Variants in INPP5B observed in about 807,000 individuals in gnomAD.
The protein encoded by INPP5B is inositol polyphosphate-5-phosphatase B.
Under a neutral mutation model 118.5 loss-of-function variants are expected in INPP5B, and 90 were observed. The observed-to-expected ratio is 0.76, with a 90% CI of 0.64 to 0.90. INPP5B has a LOEUF of 0.90. Ranked by LOEUF, INPP5B falls within the 40% of genes least tolerant of loss-of-function variation. The pLI, the probability that INPP5B is intolerant of heterozygous loss-of-function variation, is 0.00. For synonymous variants in INPP5B, 385 were observed against 418.9 expected (o/e 0.92, Z 0.99); for missense variants, 984 against 1,125.6 (o/e 0.87, Z 1.80).
rs1402823814 is a variant in INPP5B at position 37,931,771 on chromosome 1, C to T, written c.532+142G>A. On this transcript the variant is annotated intron_variant, in intron 7 of 23. Transcript: ENST00000373024. ...CCGCCCGTCCCGCGCGCTCCGCCCC[C>T]AGACGAACCCGCCCCCGTGTGCCCG... 8.1e-6 allele frequency: 13 copies of T among 1,604,760 alleles called. 1 individual carries two copies. The highest frequency in any genetic ancestry group is 2.7e-5 in the African/African-American group (2 of 74,902).
At position 37,931,318 on chromosome 1, in the gene INPP5B, C is replaced by T; in HGVS notation, c.532+595G>A. ...GGGCACCACTCCCCCACCCGCCCCA[C>T]GCGACAAACTCGGAAGATCAGGATT... On this transcript the variant is annotated intron_variant, in intron 7 of 23. Coordinates refer to ENST00000373024, the MANE Select transcript of INPP5B (RefSeq NM_005540.3). 4.8e-6 allele frequency: 4 copies of T among 826,264 alleles called. No individual in the cohort carries two copies. The South Asian group carries it at 7.0e-5, about 15-fold the overall frequency. The allele number at this position is 826,264 out of a possible 1,614,324, so 51.2% of individuals were successfully genotyped here.
chr1:37,927,643 T>A (rs904166268), intron 7 of INPP5B, among the ~76,000 whole-genome samples: 14 of 151,646 alleles, frequency 9.2e-5, no homozygotes, highest in African/African-American at 3.4e-4. Flanking sequence ...TTCACGCCAT[T>A]CTCCTGCCTC....
chr1:37,883,255 C>G (rs532887958), intron 13 of INPP5B: 1 of 985,338 alleles, frequency 1.0e-6, no homozygotes, highest in African/African-American at 1.7e-5. Flanking sequence ...TTGAGAGTCA[C>G]GCCAATCACC....
intron 7 of INPP5B, among the ~76,000 whole-genome samples, chr1:37,895,292 C>T (rs1643986226): frequency 6.6e-6 from 1 of 152,166 alleles, no homozygotes; most frequent in Non-Finnish European, 1.5e-5. Flanking sequence ...GTTAAACAGT[C>T]TTACCATATG....
At chr1:37,922,150 T>A (rs1396604266) in intron 7 of INPP5B, among the ~76,000 whole-genome samples, 1 of 151,700 alleles carries the variant, frequency 6.6e-6, no homozygotes, top group East Asian at 1.9e-4. Flanking sequence ...TGCAGTGAGT[T>A]GAGATCATGC....
At chr1:37,902,227 T>C (rs530442775) in intron 7 of INPP5B, among the ~76,000 whole-genome samples, 1 of 152,218 alleles carries the variant, frequency 6.6e-6, no homozygotes, top group Admixed American at 6.5e-5. Flanking sequence ...CCACAAGTGA[T>C]CCACCCACCT....
At position 37,873,016 on chromosome 1, in the gene INPP5B, G is replaced by C. The variant is rs781659764; in HGVS notation, c.2101C>G (p.Pro701Ala). The C allele has an allele frequency of 3.1e-6, 5 of 1,614,032 alleles. No individual in the cohort carries two copies. Among genetic ancestry groups the C allele is most frequent in the Non-Finnish European group, 4.2e-6 (5 of 1,180,028 alleles). Residue 701 changes from proline (P) to alanine (A), a missense_variant, in exon 19 of 24, where the codon CCC (proline) becomes GCC (alanine). Physicochemically the swap from Pro to Ala is conservative, Grantham distance 27. Around this residue, in one of 2 missense-constraint regions of INPP5B, gnomAD observed 634 missense variants for 791.0 expected, o/e 0.80. Coordinates refer to ENST00000373024, the MANE Select transcript of INPP5B (RefSeq NM_005540.3). The stretch of plus-strand genomic sequence containing the variant: ...TGAATGGGAGACCCAAAACAGCTGG[G>C]CAGGTAGTTCCCAGACACAGACAAA... ...YFLSVSGNYLPSCFGSPIHTL... is the reference protein window; with the variant it reads ...YFLSVSGNYLASCFGSPIHTL...
At chr1:37,943,154 C>T (rs933162711) in intron 5 of INPP5B, among the ~76,000 whole-genome samples, 11 of 152,088 alleles carry the variant, frequency 7.2e-5, no homozygotes, top group Middle Eastern at 3.4e-3. Context: ...GCATGCACCA[C>T]CATGCCTGGC....
chr1:37,879,547 C>T (rs1643066336), intron 15 of INPP5B, among the ~76,000 whole-genome samples: 1 of 151,934 alleles, frequency 6.6e-6, no homozygotes, highest in Non-Finnish European at 1.5e-5. Context: ...GCAGGCGGAT[C>T]ACTTGAGGTC....
intron 7 of INPP5B, among the ~76,000 whole-genome samples, chr1:37,913,439 T>C (rs906559346): frequency 6.6e-6 from 1 of 152,098 alleles, no homozygotes; most frequent in Non-Finnish European, 1.5e-5. Context: ...ATATCCTGGG[T>C]CCTCCCAATT....
chr1:37,941,974 T>TATATATATATATATATATATATATATAA (rs1390505203), intron 5 of INPP5B: 3 of 80,904 alleles, frequency 3.7e-5, no homozygotes, highest in African/African-American at 9.3e-5. Flanking sequence ...TATATATATA[T>TATATATATATATATATATATATATATAA]AAAATAAAAT....
In INPP5B at chr1:37,887,344, C is replaced by T; in HGVS notation, c.1014+7G>A. Reference sequence around the variant, plus strand: ...TAAAATTAAGAGGTCCCTGACTCCTCTCTTACCTTTGCATATTTGGCATCT... The same window carrying T: ...TAAAATTAAGAGGTCCCTGACTCCTTTCTTACCTTTGCATATTTGGCATCT... On this transcript the variant is annotated splice_region_variant and intron_variant, in intron 11 of 23. Transcript: ENST00000373024. The T allele has an allele frequency of 6.5e-7, 1 of 1,541,494 alleles. No homozygotes were observed. Among genetic ancestry groups the T allele is most frequent in the Non-Finnish European group, 8.9e-7 (1 of 1,117,472 alleles).
intron 6 of INPP5B, among the ~76,000 whole-genome samples, chr1:37,936,442 A>T (rs28394442): frequency 0.014 from 2,073 of 152,080 alleles, 50 homozygotes; most frequent in African/African-American, 0.048. Context: ...GCAACATGGT[A>T]AAACCCTGTC....
chr1:37,865,493 G>C (rs1283160281), intron 22 of INPP5B, among the ~76,000 whole-genome samples: 4 of 152,206 alleles, frequency 2.6e-5, no homozygotes, highest in African/African-American at 9.6e-5. Flanking sequence ...ATGGAAGAGA[G>C]AGGATGGGTG....
intron 5 of INPP5B, among the ~76,000 whole-genome samples, chr1:37,941,847 A>AGAATGGCGT (rs1166690952): frequency 1.5e-5 from 2 of 131,440 alleles, no homozygotes; most frequent in Non-Finnish European, 3.3e-5. Context: ...CTGAGGCAGG[A>AGAATGGCGT]GAATGGCGTG....
At chr1:37,880,423 TTTTATTTATTTA>T (rs71278742) in intron 14 of INPP5B, among the ~76,000 whole-genome samples, 164 of 149,840 alleles carry the variant, frequency 1.1e-3, no homozygotes, top group Non-Finnish European at 1.8e-3. Flanking sequence ...GTTTTTAATG[TTTTATTTATTTA>T]TTTATTTATT....
At chr1:37,941,630 G>A (rs148290686) in intron 5 of INPP5B, among the ~76,000 whole-genome samples, 2,157 of 151,272 alleles carry the variant, frequency 0.014, 20 homozygotes, top group Non-Finnish European at 0.021. Context: ...GACAGAGCAA[G>A]ATCCTGTCTC....
chr1:37,873,906 C>G, intron 18 of INPP5B, 87 bp downstream of exon 18: 8 of 1,081,848 alleles, frequency 7.4e-6, no homozygotes, highest in Non-Finnish European at 9.9e-6. Flanking sequence ...AACACTCAAG[C>G]AAAAAGCTCA....
chr1:37,885,853 A>C (rs1412199049), intron 12 of INPP5B, 28 bp from the exon 13 acceptor site: 1 of 1,604,846 alleles, frequency 6.2e-7, no homozygotes, highest in Non-Finnish European at 8.5e-7. Flanking sequence ...AAAGAAATCC[A>C]ATTCAAACTT....
Sources: gnomAD v4.1 joint callset for allele counts (sites outside exome capture counted in the v4.1 genomes callset) on GRCh38, gnomAD v4.1.1 for gene constraint, gnomAD v4.1.1 regional missense constraint, MANE v1.5 for transcripts, NCBI Gene and HGNC (gene_info 2026-07-23, HGNC 2026-07-21) for gene names.